The following KCNQ5 variants were observed in gnomAD, a reference collection of about 807,000 sequenced individuals.
KCNQ5 encodes the protein potassium voltage-gated channel subfamily Q member 5.
KCNQ5 carries 30 observed loss-of-function variants against 98.2 expected under a neutral mutation model. The ratio of observed to expected loss-of-function variants is 0.31; its 90% CI spans 0.23 to 0.41. The LOEUF (loss-of-function observed/expected upper bound fraction) is 0.41, where lower values mean the gene tolerates loss of function less well. Ranked by LOEUF, KCNQ5 falls within the 10% of genes least tolerant of loss-of-function variation. KCNQ5 has a pLI of 1.00. For missense variants in KCNQ5, 835 were observed against 1,182.5 expected, an observed-to-expected ratio of 0.71 and a Z score of 4.31; for synonymous variants, 458 against 449.4, an observed-to-expected ratio of 1.02 and a Z score of -0.24.
intron 1 of KCNQ5, among the ~76,000 whole-genome samples, chr6:72,860,829 T>G (rs1276249196): frequency 6.9e-6 from 1 of 145,170 alleles, no homozygotes; most frequent in Non-Finnish European, 1.5e-5. Flanking sequence ...TCACTGTCCT[T>G]TTAAGGCATG....
chr6:73,038,299 C>G (rs1048751339), intron 2 of KCNQ5, among the ~76,000 whole-genome samples: 1 of 151,970 alleles, frequency 6.6e-6, no homozygotes, highest in Non-Finnish European at 1.5e-5. Flanking sequence ...TGTAGACCAT[C>G]ATGCCATTTG....
At chr6:72,986,851 A>C (rs1235742279) in intron 1 of KCNQ5, 1 of 998,318 alleles carries the variant, frequency 1.0e-6, no homozygotes, top group African/African-American at 1.6e-5. Context: ...CAGCCCTCTC[A>C]GTCCAGAACC....
intron 1 of KCNQ5, among the ~76,000 whole-genome samples, chr6:72,928,977 ATC>A (rs1279806855): frequency 2.6e-5 from 4 of 152,122 alleles, no homozygotes; most frequent in African/African-American, 9.7e-5. Context: ...CTCACAAAGC[ATC>A]CTAAGGCTAG....
chr6:72,791,579 A>G (rs376225437), intron 1 of KCNQ5, among the ~76,000 whole-genome samples: 2 of 152,326 alleles, frequency 1.3e-5, no homozygotes, highest in African/African-American at 2.4e-5. Context: ...AAATTCAACT[A>G]TTTGGAAACC....
At chr6:73,092,752 G>A (rs1343438211) in intron 5 of KCNQ5, among the ~76,000 whole-genome samples, 5 of 152,084 alleles carry the variant, frequency 3.3e-5, no homozygotes, top group Admixed American at 3.3e-4. Context: ...TGCATCCCTG[G>A]TATGAAACCC....
Position 73,111,319 on chromosome 6 carries a change from C to A in KCNQ5, c.1041C>A (p.Gly347=), listed in dbSNP as rs761119223. The A allele has an allele frequency of 6.2e-7, 1 of 1,610,372 alleles. No individual in the cohort carries two copies. The highest frequency in any genetic ancestry group is 8.5e-7 in the Non-Finnish European group (1 of 1,178,968). The stretch of plus-strand genomic sequence containing the variant: ...GTATTTTGTTCCAGGGCATTCTTGG[C>A]TCAGGTTTTGCATTAAAAGTACAAG... ...SFFALPAGIL[G]SGFALKVQEQ... The change falls in exon 7 of 14, where the codon GGC becomes GGA. Residue 347 remains glycine (G), a synonymous_variant. Coordinates refer to ENST00000370398, the MANE Select transcript of KCNQ5 (RefSeq NM_019842.4).
intron 1 of KCNQ5, among the ~76,000 whole-genome samples, chr6:72,747,403 G>T (rs1235042647): frequency 2.0e-5 from 3 of 151,882 alleles, no homozygotes; most frequent in African/African-American, 2.4e-5. Context: ...AAACAATTCT[G>T]TTGAAAATAG....
chr6:72,775,470 C>G (rs769775224), intron 1 of KCNQ5, among the ~76,000 whole-genome samples: 16 of 152,154 alleles, frequency 1.1e-4, no homozygotes, highest in Admixed American at 5.2e-4. Context: ...ATTTGCCATG[C>G]AGAAAGCTCC....
intron 10 of KCNQ5, among the ~76,000 whole-genome samples, chr6:73,167,434 C>A: frequency 6.6e-6 from 1 of 152,202 alleles, no homozygotes; most frequent in East Asian, 1.9e-4. Context: ...CCTCAGGGAA[C>A]TGGATTCTAA....
intron 2 of KCNQ5, among the ~76,000 whole-genome samples, chr6:73,005,299 T>C (rs1043706772): frequency 3.9e-5 from 6 of 152,210 alleles, no homozygotes; most frequent in Admixed American, 1.3e-4. Flanking sequence ...ATAACACAAA[T>C]GATCTGAGCC....
At chr6:73,006,834 A>T (rs1582178699) in intron 2 of KCNQ5, among the ~76,000 whole-genome samples, 1 of 152,114 alleles carries the variant, frequency 6.6e-6, no homozygotes, top group African/African-American at 2.4e-5. Flanking sequence ...TGGTTTTTTT[A>T]ACATTTTAAA....
intron 1 of KCNQ5, among the ~76,000 whole-genome samples, chr6:72,980,450 A>T (rs902554727): frequency 6.6e-6 from 1 of 152,190 alleles, no homozygotes; most frequent in African/African-American, 2.4e-5. Flanking sequence ...TTTGAATGGG[A>T]GTTCACTCAT....
At chr6:73,125,458 AT>A (rs759546651) in intron 9 of KCNQ5, 6 of 517,572 alleles carry the variant, frequency 1.2e-5, no homozygotes, top group South Asian at 2.8e-5. Context: ...GAAGAGATAC[AT>A]TTTTTTTCCT....
intron 1 of KCNQ5, among the ~76,000 whole-genome samples, chr6:72,661,513 A>G (rs1766523782): frequency 6.6e-6 from 1 of 151,866 alleles, no homozygotes; most frequent in Non-Finnish European, 1.5e-5. Flanking sequence ...TACATAGAAG[A>G]TTTTTTTTCC....
chr6:72,891,009 A>C (rs1779037139), intron 1 of KCNQ5, among the ~76,000 whole-genome samples: 3 of 152,244 alleles, frequency 2.0e-5, no homozygotes, highest in Admixed American at 2.0e-4. Flanking sequence ...AGAGACAGAC[A>C]AATTTTATTG....
intron 2 of KCNQ5, 89 bp downstream of exon 2, chr6:73,004,087 T>C: frequency 1.4e-6 from 1 of 728,274 alleles, no homozygotes; most frequent in Non-Finnish European, 2.3e-6. Context: ...TACAAAAAAA[T>C]CCTATCTAAA....
intron 1 of KCNQ5, among the ~76,000 whole-genome samples, chr6:72,652,731 C>A (rs1001402125): frequency 6.6e-6 from 1 of 152,000 alleles, no homozygotes; most frequent in Non-Finnish European, 1.5e-5. Context: ...TTCCTGTATC[C>A]TGTTTCAACC....
chr6:73,137,911 C>T (rs1478102223), intron 10 of KCNQ5, among the ~76,000 whole-genome samples: 1 of 152,104 alleles, frequency 6.6e-6, no homozygotes, highest in Non-Finnish European at 1.5e-5. Flanking sequence ...CTCTTCTTGC[C>T]GCTGCTCTTC....
chr6:73,167,042 C>A (rs1777829782), intron 10 of KCNQ5, among the ~76,000 whole-genome samples: 1 of 152,162 alleles, frequency 6.6e-6, no homozygotes, highest in South Asian at 2.1e-4. Flanking sequence ...CCTACTACAG[C>A]AACTAAGAGC....
Sources: allele counts gnomAD v4.1 joint callset (sites outside exome capture counted in the v4.1 genomes callset), GRCh38; gene constraint gnomAD v4.1.1; transcripts MANE v1.5; gene names NCBI Gene and HGNC (gene_info 2026-07-23, HGNC 2026-07-21).